ANKRD36: variants seen among roughly 807,000 people sequenced by gnomAD.
The protein encoded by ANKRD36 is ankyrin repeat domain-containing protein 36A.
ANKRD36 carries 179 observed loss-of-function variants against 278.1 expected under a neutral mutation model. The observed-to-expected ratio is 0.64, with a 90% confidence interval of 0.57 to 0.73. ANKRD36 has a LOEUF of 0.73. Ranked by LOEUF, ANKRD36 falls within the 30% of genes least tolerant of loss-of-function variation. ANKRD36 has a pLI of 0.00. For missense variants in ANKRD36, 1,159 were observed against 1,956.7 expected (o/e 0.59, Z 7.69); for synonymous variants, 320 against 641.1 (o/e 0.50, Z 7.57).
At chr2:97,181,818 G>A (rs1056635041) in intron 26 of ANKRD36, 25 bp downstream of exon 26, 10 of 1,588,950 alleles carry the variant, frequency 6.3e-6, no homozygotes, top group African/African-American at 2.7e-5. Flanking sequence ...CACATTTAAT[G>A]TCATGTTCAG....
intron 14 of ANKRD36, among the ~76,000 whole-genome samples, chr2:97,153,484 T>C (rs2046642546): frequency 0.019 from 1 of 52 alleles, no homozygotes; most frequent in South Asian, 0.5. Flanking sequence ...ATATCTTCTA[T>C]ACTTGAATCC....
chr2:97,142,992 T>C (rs2043311712), intron 8 of ANKRD36, among the ~76,000 whole-genome samples, 157 bp downstream of exon 8: 1 of 151,934 alleles, frequency 6.6e-6, no homozygotes, highest in South Asian at 2.1e-4. Flanking sequence ...ACGCCGATGC[T>C]ACTGGTCCTT....
intron 67 of ANKRD36, among the ~76,000 whole-genome samples, chr2:97,228,287 G>T (rs2070647444): frequency 6.6e-6 from 1 of 152,086 alleles, no homozygotes; most frequent in African/African-American, 2.4e-5. Context: ...TGGTTGGTAA[G>T]CTATTGATTA....
At chr2:97,166,921 A>G (rs2050882910) in intron 20 of ANKRD36, among the ~76,000 whole-genome samples, 1 of 152,298 alleles carries the variant, frequency 6.6e-6, no homozygotes, top group Non-Finnish European at 1.5e-5. Flanking sequence ...ACATGTGCAC[A>G]ATGTGCGGGT....
chr2:97,184,577 T>C (rs1187230435), intron 28 of ANKRD36, among the ~76,000 whole-genome samples: 1 of 151,742 alleles, frequency 6.6e-6, no homozygotes, highest in Non-Finnish European at 1.5e-5. Context: ...AGCTTATTAA[T>C]ATCTAATGCC....
intron 14 of ANKRD36, among the ~76,000 whole-genome samples, chr2:97,154,251 G>A (rs1439206981): frequency 6.8e-6 from 1 of 147,758 alleles, no homozygotes; most frequent in Non-Finnish European, 1.5e-5. Context: ...AGAAGAGACC[G>A]TGCCTTTTCT....
At chr2:97,127,352 G>C (rs928078607) in intron 6 of ANKRD36, among the ~76,000 whole-genome samples, 16 of 151,564 alleles carry the variant, frequency 1.1e-4, no homozygotes, top group African/African-American at 3.6e-4. Flanking sequence ...ATTTAATTAT[G>C]GTTCCTAATA....
chr2:97,187,317 A>T lies in ANKRD36; in HGVS notation c.2071-12A>T. ...TTTATTTATTTATTATTTTCTTTCA[A>T]ATTCCATTCAGGCTACAACTGACGA... On this transcript the variant is annotated splice_polypyrimidine_tract_variant and intron_variant, in intron 31 of 75. Transcript: ENST00000420699. The T allele has an allele frequency of 1.9e-6, 3 of 1,603,006 alleles. No homozygotes were observed. The highest frequency in any genetic ancestry group is 2.6e-6 in the Non-Finnish European group (3 of 1,175,490).
intron 44 of ANKRD36, 113 bp downstream of exon 44, chr2:97,198,771 C>G (rs1319314427): frequency 8.5e-7 from 1 of 1,171,664 alleles, no homozygotes; most frequent in African/African-American, 1.5e-5. Context: ...ATTCAGCAGT[C>G]CTGAGATTCT....
chr2:97,198,464 G>A lies in ANKRD36; in HGVS notation c.2655G>A (p.Val885=). The A allele has an allele frequency of 6.3e-7, 1 of 1,579,634 alleles. No homozygotes were observed. The highest frequency in any genetic ancestry group is 8.6e-7 in the Non-Finnish European group (1 of 1,165,022). Residue 885 remains valine, a splice_region_variant and synonymous_variant, in exon 43 of 76, where the codon GTG becomes GTA. Coordinates refer to ENST00000420699, the MANE Select transcript of ANKRD36 (RefSeq NM_001354587.1). The stretch of plus-strand genomic sequence containing the variant: ...TTATGAATCCCTTTTACTTTTCAGT[G>A]TCTTCTGAGAAACCACCAGGCTTGA... The part of the protein sequence containing the change: ...ENKDGEKSRT[V]SSEKPPGLKA...
rs199948939 is a variant in ANKRD36 at position 97,124,549 on chromosome 2, C to T, written c.683C>T (p.Ala228Val). 355 of 1,552,944 alleles carry T rather than the reference C, an allele frequency of 2.3e-4. 8 individuals carry two copies. The South Asian group carries it at 3.7e-3, about 16-fold the overall frequency. The change falls in exon 5 of 76, where the codon GCG (alanine) becomes GTG (valine). Residue 228 changes from alanine to valine, a missense_variant. Ala to Val is a moderately conservative substitution (Grantham distance 64). Coordinates refer to ENST00000420699, the MANE Select transcript of ANKRD36 (RefSeq NM_001354587.1). ...QHNIDVLSRD[A>V]FRKIAGDYAI... The stretch of plus-strand genomic sequence containing the variant: ...AATATTGATGTGCTTTCTCGAGATG[C>T]GTTTCGAAAGATTGCAGGAGATTAT...
chr2:97,136,620 G>A (rs927328832), intron 6 of ANKRD36, among the ~76,000 whole-genome samples: 1 of 151,692 alleles, frequency 6.6e-6, no homozygotes, highest in East Asian at 1.9e-4. Context: ...GGAATTGATT[G>A]TTTGCTTGTT....
rs1334670421 is a variant in ANKRD36 at position 97,187,368 on chromosome 2, A to G, written c.2110A>G (p.Thr704Ala). ...GGAAGACTCTGTTTCGAATATAGCCACAGAAATAAAGGATGGAGAAAAATC... is the reference window on the plus strand; with the variant it reads ...GGAAGACTCTGTTTCGAATATAGCCGCAGAAATAAAGGATGGAGAAAAATC... Reference protein sequence around the residue: ...DEEDSVSNIATEIKDGEKSGT... With the variant: ...DEEDSVSNIAAEIKDGEKSGT... The change falls in exon 32 of 76, where the codon ACA becomes GCA. Residue 704 changes from threonine (T) to alanine (A), a missense_variant. Thr to Ala is a moderately conservative substitution (Grantham distance 58, BLOSUM62 0). Transcript: ENST00000420699. 3.1e-6 allele frequency: 5 copies of G among 1,609,048 alleles called. No individual in the cohort carries two copies. Among genetic ancestry groups the G allele is most frequent in the Non-Finnish European group, 4.2e-6 (5 of 1,177,810 alleles).
rs576700899 is a variant in ANKRD36 at position 97,132,958 on chromosome 2, G to A, written c.799+5824G>A. Among the ~76,000 whole-genome samples the A allele has an allele frequency of 3.2e-4, 48 of 152,162 alleles. 1 individual carries two copies. The highest frequency in any genetic ancestry group is 2.0e-3 in the Admixed American group (31 of 15,236). On this transcript the variant is annotated intron_variant, in intron 6 of 75. Coordinates refer to ENST00000420699, the MANE Select transcript of ANKRD36 (RefSeq NM_001354587.1). The stretch of plus-strand genomic sequence containing the variant: ...TGGAAGCTAGTTACATAGGCATTCT[G>A]TCTCACACATATACAAAAATTCCAC...
intron 1 of ANKRD36, 96 bp from the exon 2 acceptor site, chr2:97,117,968 C>T: frequency 6.1e-6 from 9 of 1,472,440 alleles, no homozygotes; most frequent in Non-Finnish European, 8.1e-6. Context: ...GTACTTTCTT[C>T]ACAAGAAAAT....
intron 8 of ANKRD36, among the ~76,000 whole-genome samples, chr2:97,143,528 T>G (rs2043454824): frequency 6.6e-6 from 1 of 152,242 alleles, no homozygotes; most frequent in Non-Finnish European, 1.5e-5. Flanking sequence ...TATGTTTTGT[T>G]GGTATTAGCT....
At chr2:97,185,224 G>A in intron 28 of ANKRD36, 92 bp from the exon 29 acceptor site, 1 of 1,507,282 alleles carries the variant, frequency 6.6e-7, no homozygotes, top group Non-Finnish European at 9.2e-7. Context: ...ATACAGGCAG[G>A]AGCATACAGC....
intron 66 of ANKRD36, among the ~76,000 whole-genome samples, chr2:97,223,118 T>TTTTG: frequency 6.9e-6 from 1 of 144,664 alleles, no homozygotes. Flanking sequence ...TTTTTTTTTT[T>TTTTG]GAGACAGAGT....
chr2:97,139,613 A>C (rs1410497842), intron 6 of ANKRD36, among the ~76,000 whole-genome samples: 2 of 152,092 alleles, frequency 1.3e-5, no homozygotes, highest in African/African-American at 4.8e-5. Context: ...GTGACATACC[A>C]GCATGGATAT....
Sources: allele counts gnomAD v4.1 joint callset (sites outside exome capture counted in the v4.1 genomes callset), GRCh38; gene constraint gnomAD v4.1.1; transcripts MANE v1.5; gene names NCBI Gene and HGNC (gene_info 2026-07-23, HGNC 2026-07-21).